Variants in BPIFB4 observed in about 807,000 individuals in gnomAD.
BPIFB4 encodes the protein BPI fold containing family B member 4.
BPIFB4 carries 62 observed loss-of-function variants against 69.2 expected under a neutral mutation model. The ratio of observed to expected loss-of-function variants is 0.90; its 90% confidence interval spans 0.73 to 1.11. The LOEUF is 1.11. Ranked by LOEUF, BPIFB4 falls within the 50% of genes least tolerant of loss-of-function variation. BPIFB4 has a pLI of 0.00. For missense variants in BPIFB4, 789 were observed against 792.0 expected, an observed-to-expected ratio of 1.00 and a Z score of 0.04; for synonymous variants, 330 against 332.7, an observed-to-expected ratio of 0.99 and a Z score of 0.09.
At chr20:33,080,991 C>T (rs2146400305) in intron 2 of BPIFB4, among the ~76,000 whole-genome samples, 1 of 152,128 alleles carries the variant, frequency 6.6e-6, no homozygotes, top group Non-Finnish European at 1.5e-5. Flanking sequence ...AGATATATGG[C>T]TTGCTGGGTG....
chr20:33,107,285 A>G (rs1982093703), intron 16 of BPIFB4, among the ~76,000 whole-genome samples: 1 of 151,710 alleles, frequency 6.6e-6, no homozygotes, highest in Non-Finnish European at 1.5e-5. Context: ...GGAAAAGAAA[A>G]GAAAAAGAAA....
rs370810249 is a variant in BPIFB4, at chr20:33,100,504, A to T, written c.1637+11A>T. ...TGCCAAGCTGGAGAAGTAAGGGGCT[A>T]TGCTGCCTTGGGGTCCTGACGGTGC... On this transcript the variant is annotated intron_variant, in intron 14 of 17. Transcript: ENST00000375483. The T allele has an allele frequency of 4.1e-5, 66 of 1,605,808 alleles. 1 individual carries two copies. In the South Asian group the frequency reaches 7.0e-4, roughly 17 times the overall value.
At chr20:33,108,423 C>CTATATATA (rs756747954) in intron 17 of BPIFB4, among the ~76,000 whole-genome samples, 19 of 125,718 alleles carry the variant, frequency 1.5e-4, no homozygotes, top group African/African-American at 3.5e-4. Flanking sequence ...ATATATATGT[C>CTATATATA]TATATATATA....
chr20:33,081,488 G>A (rs1219789436), intron 2 of BPIFB4, 24 bp from the exon 3 acceptor site: 1 of 1,550,522 alleles, frequency 6.4e-7, no homozygotes. Flanking sequence ...AGCCACATCT[G>A]CATCTGCACT....
chr20:33,111,273 C>T, intron 17 of BPIFB4, 141 bp from the exon 18 acceptor site: 1 of 1,044,794 alleles, frequency 9.6e-7, no homozygotes. Flanking sequence ...GCTCCTCGGG[C>T]CTGCATGACC....
chr20:33,088,463 C>T (rs1273752821), intron 7 of BPIFB4, among the ~76,000 whole-genome samples: 1 of 152,188 alleles, frequency 6.6e-6, no homozygotes, highest in African/African-American at 2.4e-5. Flanking sequence ...ACTATCCATC[C>T]TTTCTTGTGG....
chr20:33,106,372 C>CTTTTTTT (rs1982055211), intron 16 of BPIFB4, among the ~76,000 whole-genome samples: 1 of 91,174 alleles, frequency 1.1e-5, no homozygotes, highest in Non-Finnish European at 2.6e-5. Flanking sequence ...CAGCTCTTTT[C>CTTTTTTT]TTTCTTTTTT....
At chr20:33,102,908 A>G (rs948739594) in intron 14 of BPIFB4, 64 bp from the exon 15 acceptor site, 5 of 1,536,446 alleles carry the variant, frequency 3.3e-6, no homozygotes, top group Admixed American at 1.7e-5. Flanking sequence ...ATTTGTTGCA[A>G]TGCAAGAGCC....
At chr20:33,105,991 A>AC (rs1003468379) in intron 16 of BPIFB4, among the ~76,000 whole-genome samples, 15 of 152,314 alleles carry the variant, frequency 9.8e-5, no homozygotes, top group African/African-American at 3.4e-4. Context: ...AAGCAGTCCC[A>AC]CAAAATACCC....
chr20:33,085,780 C>T (rs889589507), intron 6 of BPIFB4, among the ~76,000 whole-genome samples: 1 of 152,198 alleles, frequency 6.6e-6, no homozygotes, highest in African/African-American at 2.4e-5. Context: ...TTGGGAGTCA[C>T]CTTGGAAACC....
chr20:33,111,337 TC>T (rs1982232221), intron 17 of BPIFB4, 76 bp from the exon 18 acceptor site: 1 of 1,578,172 alleles, frequency 6.3e-7, no homozygotes, highest in African/African-American at 1.4e-5. Flanking sequence ...ACCGGCCAGA[TC>T]CGTAGGCAGG....
rs1272212714 is a variant in BPIFB4, at chr20:33,100,430, C to G, written c.1574C>G (p.Thr525Arg). 3.8e-6 allele frequency: 6 copies of G among 1,596,938 alleles called. No homozygotes were observed. Among genetic ancestry groups the G allele is most frequent in the Non-Finnish European group, 5.2e-6 (6 of 1,164,326 alleles). ...ETTICLIDVD[T>R]EFLASFSTEG... ...TCTCCTTTCCTTTCCCTCCAGGACACAGAATTCTTGGCCTCATTTTCCACA... is the reference window on the plus strand; with the variant it reads ...TCTCCTTTCCTTTCCCTCCAGGACAGAGAATTCTTGGCCTCATTTTCCACA... The change falls in exon 14 of 18, where the codon ACA becomes AGA. Residue 525 changes from threonine to arginine, a missense_variant. Coordinates refer to ENST00000375483, the MANE Select transcript of BPIFB4 (RefSeq NM_182519.3).
rs550021208 is a variant in BPIFB4, at chr20:33,084,510, G to C, written c.678-382G>C. ...TAGGGAGGTCAAGGGAGGCTTCCTGGAGGAAGAGGACCTTAAGTTGAAATC... is the reference window on the plus strand; with the variant it reads ...TAGGGAGGTCAAGGGAGGCTTCCTGCAGGAAGAGGACCTTAAGTTGAAATC... On this transcript the variant is annotated intron_variant, in intron 5 of 17. Coordinates refer to ENST00000375483, the MANE Select transcript of BPIFB4 (RefSeq NM_182519.3). Among the ~76,000 whole-genome samples the C allele has an allele frequency of 3.3e-5, 5 of 152,312 alleles. No individual in the cohort carries two copies. In the South Asian group the frequency reaches 1.0e-3, roughly 32 times the overall value.
At chr20:33,111,273 C>A (rs1352448884) in intron 17 of BPIFB4, 141 bp from the exon 18 acceptor site, 9 of 1,044,674 alleles carry the variant, frequency 8.6e-6, no homozygotes, top group Non-Finnish European at 1.3e-5. Flanking sequence ...GCTCCTCGGG[C>A]CTGCATGACC....
chr20:33,111,632 C>T lies in BPIFB4; in HGVS notation c.*195C>T, dbSNP rs1982242057. The T allele has an allele frequency of 3.1e-6, 2 of 641,834 alleles. No homozygotes were observed. Among genetic ancestry groups the T allele is most frequent in the Non-Finnish European group, 5.3e-6 (2 of 376,854 alleles). The allele number at this position is 641,834 out of a possible 1,614,324, so 39.8% of individuals were successfully genotyped here. A position where few individuals can be genotyped will look rare whatever the true frequency, so the allele number is the denominator to read the frequency against. ...CCACTACCCTGTTGGCAAACATTCC[C>T]TTCCATGGTCAGCCTGCCAGGAGGA... is the stretch of plus-strand genomic sequence containing the variant. On this transcript the variant is annotated 3_prime_UTR_variant, in exon 18 of 18. Coordinates refer to ENST00000375483, the MANE Select transcript of BPIFB4 (RefSeq NM_182519.3).
intron 2 of BPIFB4, among the ~76,000 whole-genome samples, chr20:33,081,020 A>G (rs1981213007): frequency 6.6e-6 from 1 of 152,158 alleles, no homozygotes; most frequent in Non-Finnish European, 1.5e-5. Flanking sequence ...ACAGATGGGT[A>G]ATAGATAGAT....
At chr20:33,091,922 A>G (rs1981610974) in intron 10 of BPIFB4, among the ~76,000 whole-genome samples, 1 of 152,210 alleles carries the variant, frequency 6.6e-6, no homozygotes, top group East Asian at 1.9e-4. Flanking sequence ...AGGAGGTAAC[A>G]CTTGAGCTGA....
In BPIFB4 at chr20:33,092,653, G is replaced by C; in HGVS notation, c.1339G>C (p.Gly447Arg). 6.2e-7 allele frequency: 1 copy of C among 1,608,342 alleles called. No individual in the cohort carries two copies. Among genetic ancestry groups the C allele is most frequent in the Non-Finnish European group, 8.5e-7 (1 of 1,178,872 alleles). The change falls in exon 11 of 18, where the codon GGC becomes CGC. Residue 447 changes from glycine (G) to arginine (R), a missense_variant. Gly to Arg is a moderately radical substitution (Grantham distance 125). Around this residue, in one of 3 missense-constraint regions of BPIFB4, gnomAD observed 8 missense variants for 23.0 expected, o/e 0.35. Coordinates refer to ENST00000375483, the MANE Select transcript of BPIFB4 (RefSeq NM_182519.3). ...QHALDLDITN[G>R]MFEELPPLTT... ...TGCTCTAGACCTGGATATCACCAAT[G>C]GCATGGTGAGTCACAGCCCCACCAG...
chr20:33,091,467 G>T lies in BPIFB4; in HGVS notation c.1143+668G>T, dbSNP rs78271310. ...TGGCCCCTAATTTTGTATGGGGCAC[G>T]CACACATATGTACTTTCCCTAGGCT... On this transcript the variant is annotated intron_variant, in intron 10 of 17. Coordinates refer to ENST00000375483, the MANE Select transcript of BPIFB4 (RefSeq NM_182519.3). Among the ~76,000 whole-genome samples, 10 of 152,342 alleles carry T rather than the reference G, an allele frequency of 6.6e-5. 1 individual carries two copies. In the East Asian group the frequency reaches 1.9e-3, roughly 29 times the overall value.
Sources: gnomAD v4.1 joint callset for allele counts (sites outside exome capture counted in the v4.1 genomes callset) on GRCh38, gnomAD v4.1.1 for gene constraint, gnomAD v4.1.1 regional missense constraint, MANE v1.5 for transcripts, NCBI Gene and HGNC (gene_info 2026-07-23, HGNC 2026-07-21) for gene names.